The following ZNF536 variants were observed in gnomAD, a reference collection of about 807,000 sequenced individuals.
ZNF536 encodes the protein zinc finger protein 536.
ZNF536 carries 13 observed loss-of-function variants against 84.5 expected under a neutral mutation model. The observed-to-expected ratio is 0.15, with a 90% CI of 0.10 to 0.24. ZNF536 has a LOEUF of 0.24. ZNF536 is among the 10% of genes least tolerant of loss of function. ZNF536 has a pLI of 1.00. For synonymous variants in ZNF536, 811 were observed against 742.5 expected (o/e 1.09, Z -1.50); for missense variants, 1,536 against 1,747.5 (o/e 0.88, Z 2.16).
At chr19:30,481,016 T>C (rs2054061273) in intron 2 of ZNF536, among the ~76,000 whole-genome samples, 1 of 147,186 alleles carries the variant, frequency 6.8e-6, no homozygotes, top group South Asian at 2.2e-4. Flanking sequence ...GCAACAGAGT[T>C]AGACCCTGTC....
intron 1 of ZNF536, among the ~76,000 whole-genome samples, chr19:30,632,630 C>G (rs1277301225): frequency 7.8e-6 from 1 of 128,316 alleles, no homozygotes; most frequent in Non-Finnish European, 1.6e-5. Flanking sequence ...AACCAACCAA[C>G]CAACCAACCA....
At chr19:30,519,577 A>G (rs921344468) in intron 2 of ZNF536, among the ~76,000 whole-genome samples, 4 of 152,184 alleles carry the variant, frequency 2.6e-5, no homozygotes, top group African/African-American at 9.6e-5. Context: ...CTTCCTGGAG[A>G]GAGCCTGTGG....
At chr19:30,481,769 A>G (rs1462728058) in intron 2 of ZNF536, among the ~76,000 whole-genome samples, 1 of 152,116 alleles carries the variant, frequency 6.6e-6, no homozygotes, top group African/African-American at 2.4e-5. Context: ...TGGTGCACCC[A>G]TCACCCCAGC....
intron 1 of ZNF536, among the ~76,000 whole-genome samples, chr19:30,626,339 A>G (rs868726122): frequency 1.6e-4 from 24 of 152,186 alleles, no homozygotes; most frequent in African/African-American, 5.1e-4. Context: ...GATTTATTAA[A>G]ATAAGATTTT....
intron 1 of ZNF536, among the ~76,000 whole-genome samples, chr19:30,257,146 C>A (rs772490735): frequency 6.6e-6 from 1 of 152,178 alleles, no homozygotes; most frequent in Non-Finnish European, 1.5e-5. Flanking sequence ...ACACTCCTGG[C>A]GCCTATTCAT....
chr19:30,460,861 G>A (rs527761095), intron 2 of ZNF536, among the ~76,000 whole-genome samples: 1 of 152,220 alleles, frequency 6.6e-6, no homozygotes, highest in South Asian at 2.1e-4. Flanking sequence ...CAGGGTGCAG[G>A]GCCTGGGATG....
At chr19:30,349,574 G>C (rs569853570) in intron 2 of ZNF536, among the ~76,000 whole-genome samples, 3 of 152,002 alleles carry the variant, frequency 2.0e-5, no homozygotes, top group Non-Finnish European at 4.4e-5. Flanking sequence ...GCTACACACT[G>C]GTTCCCTAGG....
intron 2 of ZNF536, among the ~76,000 whole-genome samples, chr19:30,465,134 C>T (rs577031330): frequency 6.6e-6 from 1 of 152,246 alleles, no homozygotes; most frequent in Non-Finnish European, 1.5e-5. Context: ...CCATCACCTC[C>T]CACTCTCCCT....
chr19:30,402,796 A>ATATATATATATATATATAT (rs1555744993), intron 1 of ZNF536, among the ~76,000 whole-genome samples: 5,155 of 84,718 alleles, frequency 0.061, 803 homozygotes, highest in Non-Finnish European at 0.086. Context: ...AAAATTAAAA[A>ATATATATATATATATATAT]ATATATATAT....
At chr19:30,360,072 G>T (rs1265651665) in intron 3 of ZNF536, among the ~76,000 whole-genome samples, 3 of 152,210 alleles carry the variant, frequency 2.0e-5, no homozygotes, top group Non-Finnish European at 4.4e-5. Context: ...GCGGGTCAGA[G>T]AGGCAAGCAG....
chr19:30,233,513 T>G (rs2023237884), intron 1 of ZNF536, among the ~76,000 whole-genome samples: 1 of 151,684 alleles, frequency 6.6e-6, no homozygotes, highest in Non-Finnish European at 1.5e-5. Context: ...AGGTAGTTTT[T>G]AACATTTTTT....
chr19:30,278,760 C>G (rs2045331544), intron 1 of ZNF536, among the ~76,000 whole-genome samples: 1 of 152,186 alleles, frequency 6.6e-6, no homozygotes, highest in African/African-American at 2.4e-5. Context: ...CTCTCTCCAG[C>G]TCACACCAGA....
Position 30,248,227 on chromosome 19 carries a change from T to TC in ZNF536, c.-190+19554_-190+19555insC, listed in dbSNP as rs61686009. 3.7e-3 allele frequency among the ~76,000 whole-genome samples: 547 copies of TC among 147,938 alleles called. 3 individuals carry two copies. The highest frequency in any genetic ancestry group is 0.013 in the African/African-American group (518 of 40,230). On this transcript the variant is annotated intron_variant, in intron 1 of 5. Transcript: ENST00000585628. ...TTTCTTTCTTTTTCTTTTCTTTCTT[T>TC]TTTTTTTTTTTTGCGACAGAGTCTT...
intron 2 of ZNF536, among the ~76,000 whole-genome samples, chr19:30,304,323 G>T (rs1347749820): frequency 6.6e-6 from 1 of 152,226 alleles, no homozygotes; most frequent in Non-Finnish European, 1.5e-5. Context: ...TTGGAGCCGG[G>T]CTCACACACA....
At chr19:30,413,785 T>C (rs1005575899) in intron 1 of ZNF536, among the ~76,000 whole-genome samples, 17 of 152,080 alleles carry the variant, frequency 1.1e-4, no homozygotes, top group Admixed American at 1.1e-3. Flanking sequence ...CTGTATTCTT[T>C]CTTGACATAA....
At position 30,531,543 on chromosome 19, in the gene ZNF536, C is replaced by G. The variant is rs550672444; in HGVS notation, c.2171-3304C>G. Reference sequence around the variant, plus strand: ...TTTGAACTTCTAATGATCTTGCTGTCTAAGTAGTGAGCATAGCGGTCGATA... The same window carrying G: ...TTTGAACTTCTAATGATCTTGCTGTGTAAGTAGTGAGCATAGCGGTCGATA... On this transcript the variant is annotated intron_variant, in intron 2 of 4. Coordinates refer to ENST00000355537, the MANE Select transcript of ZNF536 (RefSeq NM_014717.3). Among the ~76,000 whole-genome samples the G allele has an allele frequency of 2.0e-5, 3 of 151,938 alleles. No individual in the cohort carries two copies. In the East Asian group the frequency reaches 5.8e-4, roughly 29 times the overall value.
At chr19:30,694,580 A>C (rs2147936175) in intron 1 of ZNF536, among the ~76,000 whole-genome samples, 1 of 152,376 alleles carries the variant, frequency 6.6e-6, no homozygotes, top group Middle Eastern at 3.4e-3. Flanking sequence ...GCCTCCAGGA[A>C]GATCTTGCCA....
At chr19:30,599,025 C>T (rs1181690821) in intron 1 of ZNF536, among the ~76,000 whole-genome samples, 4 of 103,180 alleles carry the variant, frequency 3.9e-5, no homozygotes, top group African/African-American at 2.0e-4. Flanking sequence ...CTTCCTCCCT[C>T]CCTCCCTCCC....
intron 2 of ZNF536, among the ~76,000 whole-genome samples, chr19:30,449,325 T>A (rs979258386): frequency 1.6e-4 from 25 of 152,228 alleles, no homozygotes; most frequent in African/African-American, 5.1e-4. Context: ...GGGGTGGCTG[T>A]TTCGATGCCT....
Sources: gnomAD v4.1 joint callset for allele counts (sites outside exome capture counted in the v4.1 genomes callset) on GRCh38, gnomAD v4.1.1 for gene constraint, MANE v1.5 for transcripts, NCBI Gene and HGNC (gene_info 2026-07-23, HGNC 2026-07-21) for gene names.